The following C11orf52 variants were observed in gnomAD, a reference collection of about 807,000 sequenced individuals.
C11orf52 encodes chromosome 11 open reading frame 52, also known as uncharacterized protein C11orf52.
C11orf52 carries 9 observed loss-of-function variants against 11.7 expected under a neutral mutation model. The ratio of observed to expected loss-of-function variants is 0.77; its 90% confidence interval spans 0.46 to 1.34. The LOEUF is 1.34. Ranked by LOEUF, C11orf52 falls within the 40% of genes most tolerant of loss-of-function variation. C11orf52 has a pLI of 0.00. For missense variants in C11orf52, 139 were observed against 154.8 expected (o/e 0.90, Z 0.54); for synonymous variants, 49 against 57.4 (o/e 0.85, Z 0.66).
At chr11:111,922,672 C>T (rs1394573185) in intron 1 of C11orf52, among the ~76,000 whole-genome samples, 4 of 152,170 alleles carry the variant, frequency 2.6e-5, no homozygotes, top group African/African-American at 9.7e-5. Flanking sequence ...CCATTAATTG[C>T]ATATGCCATT....
chr11:111,925,758 G>A, intron 3 of C11orf52, 44 bp downstream of exon 3: 1 of 1,607,548 alleles, frequency 6.2e-7, no homozygotes, highest in Non-Finnish European at 8.5e-7. Context: ...GCTCGGACAT[G>A]GGATCCCAGT....
intron 1 of C11orf52, among the ~76,000 whole-genome samples, chr11:111,920,223 A>G (rs1555166420): frequency 6.6e-6 from 1 of 151,792 alleles, no homozygotes; most frequent in African/African-American, 2.4e-5. Context: ...AATAGAATAA[A>G]ATAAAATAAA....
chr11:111,924,644 C>G (rs1360175128), intron 2 of C11orf52, among the ~76,000 whole-genome samples: 2 of 152,012 alleles, frequency 1.3e-5, no homozygotes, highest in Non-Finnish European at 2.9e-5. Flanking sequence ...TGTGTGGGTC[C>G]CAAGGAGGCA....
At chr11:111,924,046 C>A (rs919632559) in intron 1 of C11orf52, among the ~76,000 whole-genome samples, 4 of 152,234 alleles carry the variant, frequency 2.6e-5, no homozygotes, top group Non-Finnish European at 5.9e-5. Flanking sequence ...AGCTCTCAAG[C>A]CAGATACATC....
chr11:111,919,108 T>G, intron 1 of C11orf52, 104 bp downstream of exon 1: 1 of 1,284,432 alleles, frequency 7.8e-7, no homozygotes, highest in Non-Finnish European at 1.1e-6. Flanking sequence ...AGCCTCCCAC[T>G]GCCACCTTCC....
At chr11:111,920,907 A>C (rs1555166501) in intron 1 of C11orf52, among the ~76,000 whole-genome samples, 1 of 152,238 alleles carries the variant, frequency 6.6e-6, no homozygotes, top group East Asian at 1.9e-4. Flanking sequence ...TCACATGTAA[A>C]ATGTAGATAA....
chr11:111,925,711 A>C lies in C11orf52; in HGVS notation c.129A>C (p.Pro43=). ...PQPQQLQQNL[P]KGHETTGHTY... ...CACAACAGCTGCAGCAGAATCTCCC[A>C]AAGGTAATGACAGGTCTCTGTCCCC... Residue 43 remains proline (P), a synonymous_variant, in exon 3 of 4, where the codon CCA becomes CCC. Coordinates refer to ENST00000278601, the MANE Select transcript of C11orf52 (RefSeq NM_080659.3). 1.9e-6 allele frequency: 3 copies of C among 1,614,244 alleles called. No individual in the cohort carries two copies. The African/African-American group carries it at 4.0e-5, about 22-fold the overall frequency.
chr11:111,919,271 G>A (rs1360809699), intron 1 of C11orf52: 1 of 468,304 alleles, frequency 2.1e-6, no homozygotes, highest in Admixed American at 3.3e-5. Context: ...TCAGTAGATC[G>A]AGACCATCCT....
Position 111,924,333 on chromosome 11 carries a change from C to T in C11orf52, c.40C>T (p.Pro14Ser), listed in dbSNP as rs1965750887. 6.2e-7 allele frequency: 1 copy of T among 1,613,214 alleles called. No individual in the cohort carries two copies. Among genetic ancestry groups the T allele is most frequent in the African/African-American group, 1.3e-5 (1 of 74,850 alleles). The change falls in exon 2 of 4, where the codon CCA becomes TCA. Residue 14 changes from proline to serine, a missense_variant. Physicochemically the swap from Pro to Ser is moderately conservative, Grantham distance 74 (BLOSUM62 -1). Transcript: ENST00000278601. The part of the protein sequence containing the change: ...RVCCGGSWSC[P>S]STFQKKKKTG... Reference sequence around the variant, plus strand: ...CTGTTTTTCCTATTACAGGAGCTGCCCATCAACTTTCCAGAAGAAAAAGAA... The same window carrying T: ...CTGTTTTTCCTATTACAGGAGCTGCTCATCAACTTTCCAGAAGAAAAAGAA...
At chr11:111,919,164 T>A in intron 1 of C11orf52, 160 bp downstream of exon 1, 1 of 802,948 alleles carries the variant, frequency 1.2e-6, no homozygotes, top group Non-Finnish European at 2.0e-6. Flanking sequence ...GCACCTCCTT[T>A]CAGGAGGCCT....
chr11:111,924,982 G>A (rs1159599414), intron 2 of C11orf52, among the ~76,000 whole-genome samples: 1 of 152,036 alleles, frequency 6.6e-6, no homozygotes, highest in Non-Finnish European at 1.5e-5. Context: ...AAACTAGCTG[G>A]GCATAGTGGT....
chr11:111,926,261 C>T lies in C11orf52; in HGVS notation c.*62C>T. 6.3e-7 allele frequency: 1 copy of T among 1,590,350 alleles called. No homozygotes were observed. The highest frequency in any genetic ancestry group is 8.6e-7 in the Non-Finnish European group (1 of 1,164,812). On this transcript the variant is annotated 3_prime_UTR_variant, in exon 4 of 4. Transcript: ENST00000278601. ...TACACCTGTGGGGGAGAACCTACTGCTTTGGGGAATTGGGTGGCAACCCAG... is the reference window on the plus strand; with the variant it reads ...TACACCTGTGGGGGAGAACCTACTGTTTTGGGGAATTGGGTGGCAACCCAG...
Position 111,925,975 on chromosome 11 carries a change from G to T in C11orf52, c.148G>T (p.Gly50Ter), listed in dbSNP as rs201067931. 6.8e-6 allele frequency: 11 copies of T among 1,614,238 alleles called. No individual in the cohort carries two copies. Among genetic ancestry groups the T allele is most frequent in the African/African-American group, 1.3e-5 (1 of 75,060 alleles). Residue 50 changes from glycine (G) to a stop codon, truncating the protein, a stop_gained, in exon 4 of 4, where the codon GGA (glycine) becomes TGA (stop). Transcript: ENST00000278601. LOFTEE classifies it low-confidence loss of function (END_TRUNC). ...QNLPKGHETT[G>*]HTYERVLQQQ... ...TTCCTCGCAGGGCCATGAAACAACA[G>T]GACATACGTATGAACGGGTGTTACA...
intron 1 of C11orf52, among the ~76,000 whole-genome samples, chr11:111,923,499 G>A (rs2137402671): frequency 6.6e-6 from 1 of 152,316 alleles, no homozygotes; most frequent in South Asian, 2.1e-4. Flanking sequence ...GCAAGAGTTG[G>A]AAATGTACTA....
At position 111,926,506 on chromosome 11, in the gene C11orf52, G is replaced by C; in HGVS notation, c.*307G>C. On this transcript the variant is annotated 3_prime_UTR_variant, in exon 4 of 4. Coordinates refer to ENST00000278601, the MANE Select transcript of C11orf52 (RefSeq NM_080659.3). ...CCATTGTTGCTCCTGCTCTTGCAAAGTGCAGAAAGAGCAGGTAAAAAGTTA... is the reference window on the plus strand; with the variant it reads ...CCATTGTTGCTCCTGCTCTTGCAAACTGCAGAAAGAGCAGGTAAAAAGTTA... 1 of 416,070 alleles carries C rather than the reference G, an allele frequency of 2.4e-6. No individual in the cohort carries two copies. The highest frequency in any genetic ancestry group is 4.4e-6 in the Non-Finnish European group (1 of 227,508). 25.8% of individuals were successfully genotyped at this position (416,070 alleles called of 1,614,324 possible).
chr11:111,920,630 G>T (rs1312165930), intron 1 of C11orf52, among the ~76,000 whole-genome samples: 1 of 152,120 alleles, frequency 6.6e-6, no homozygotes, highest in Non-Finnish European at 1.5e-5. Context: ...TAGGCGTGGT[G>T]GTGCGTGCTT....
In C11orf52 at chr11:111,926,250, A is replaced by G; in HGVS notation, c.*51A>G. The G allele has an allele frequency of 6.2e-7, 1 of 1,600,974 alleles. No individual in the cohort carries two copies. The highest frequency in any genetic ancestry group is 8.5e-7 in the Non-Finnish European group (1 of 1,171,384). On this transcript the variant is annotated 3_prime_UTR_variant, in exon 4 of 4. Coordinates refer to ENST00000278601, the MANE Select transcript of C11orf52 (RefSeq NM_080659.3). The stretch of plus-strand genomic sequence containing the variant: ...TCGTTAACCACTACACCTGTGGGGG[A>G]GAACCTACTGCTTTGGGGAATTGGG...
rs1007820968 is a variant in C11orf52, at chr11:111,925,956, G to T, written c.133-4G>T. On this transcript the variant is annotated splice_polypyrimidine_tract_variant and splice_region_variant and intron_variant, in intron 3 of 3. Coordinates refer to ENST00000278601, the MANE Select transcript of C11orf52 (RefSeq NM_080659.3). ...TCTCCCTTAATGCTATCCATTCCTC[G>T]CAGGGCCATGAAACAACAGGACATA... 3.7e-6 allele frequency: 6 copies of T among 1,614,110 alleles called. No individual in the cohort carries two copies. The highest frequency in any genetic ancestry group is 5.1e-6 in the Non-Finnish European group (6 of 1,180,020).
intron 1 of C11orf52, among the ~76,000 whole-genome samples, chr11:111,920,139 G>A (rs1555166398): frequency 6.6e-6 from 1 of 152,084 alleles, no homozygotes; most frequent in Non-Finnish European, 1.5e-5. Flanking sequence ...AGCTTGCAGT[G>A]AGCCGAGATT....
Sources: gnomAD v4.1 joint callset for allele counts (sites outside exome capture counted in the v4.1 genomes callset) on GRCh38, gnomAD v4.1.1 for gene constraint, MANE v1.5 for transcripts, NCBI Gene and HGNC (gene_info 2026-07-23, HGNC 2026-07-21) for gene names.